CSF2RA: variants seen among roughly 807,000 people sequenced by gnomAD.
The protein encoded by CSF2RA is granulocyte-macrophage colony-stimulating factor receptor subunit alpha.
In CSF2RA, 42 loss-of-function variants were observed where a neutral mutation model predicts 51.6. The ratio of observed to expected loss-of-function variants is 0.81; its 90% CI spans 0.64 to 1.05. The LOEUF (loss-of-function observed/expected upper bound fraction) is 1.05. CSF2RA is among the 50% of genes least tolerant of loss of function. CSF2RA has a pLI of 0.00. For missense variants in CSF2RA, 530 were observed against 501.1 expected (o/e 1.06, Z -0.55); for synonymous variants, 222 against 193.0 (o/e 1.15, Z -1.24).
chrX:1,274,268 G>A (rs1231759991), intron 1 of CSF2RA, among the ~76,000 whole-genome samples: 16 of 151,948 alleles, frequency 1.1e-4, no homozygotes, highest in Admixed American at 7.2e-4. Flanking sequence ...AGGAAATCGC[G>A]ATGACAGGTG....
chrX:1,278,204 C>T (rs1408454940), intron 2 of CSF2RA, among the ~76,000 whole-genome samples: 2 of 146,520 alleles, frequency 1.4e-5, no homozygotes, highest in Admixed American at 1.4e-4. Context: ...CATGGTGGTG[C>T]GTGCCTGTAG....
intron 2 of CSF2RA, among the ~76,000 whole-genome samples, chrX:1,275,076 G>C (rs1258618510): frequency 3.1e-5 from 4 of 129,554 alleles, no homozygotes; most frequent in African/African-American, 1.1e-4. Flanking sequence ...CAGAAGAGAC[G>C]CATGAACCTG....
chrX:1,288,900 C>A lies in CSF2RA; in HGVS notation c.473+12C>A, dbSNP rs769676035. 1 of 1,574,938 alleles carries A rather than the reference C, an allele frequency of 6.3e-7. No homozygotes were observed. The highest frequency in any genetic ancestry group is 2.3e-5 in the East Asian group (1 of 43,092). On this transcript the variant is annotated intron_variant, in intron 6 of 12. Coordinates refer to ENST00000381529, the MANE Select transcript of CSF2RA (RefSeq NM_172245.4). The stretch of plus-strand genomic sequence containing the variant: ...ATACGAAACTCAAAGTAAGTGTTCA[C>A]CTCATGTGAAGAATTATGAGGAATG...
chrX:1,284,726 G>A (rs1364948887), intron 3 of CSF2RA, among the ~76,000 whole-genome samples: 20 of 146,132 alleles, frequency 1.4e-4, no homozygotes, highest in Non-Finnish European at 1.9e-4. Context: ...GTGCAGTGGC[G>A]CGATCTCGGC....
At position 1,288,600 on chromosome X, in the gene CSF2RA, A is replaced by G; in HGVS notation, c.301A>G (p.Ser101Gly). The part of the protein sequence containing the change: ...GVTFEVHVNT[S>G]QRGFQQKLLY... Reference sequence around the variant, plus strand: ...CACATTTGAGGTTCACGTGAATACTAGTCAAAGAGGATTTCAACAGAAACT... The same window carrying G: ...CACATTTGAGGTTCACGTGAATACTGGTCAAAGAGGATTTCAACAGAAACT... The change falls in exon 5 of 13, where the codon AGT becomes GGT. Residue 101 changes from serine (S) to glycine (G), a missense_variant. By Grantham distance (56) the Ser-to-Gly change is moderately conservative. Transcript: ENST00000381529. 2 of 1,613,976 alleles carry G rather than the reference A, an allele frequency of 1.2e-6. No homozygotes were observed. The highest frequency in any genetic ancestry group is 2.2e-5 in the South Asian group (2 of 91,082).
At chrX:1,292,992 G>C (rs1373952410) in intron 7 of CSF2RA, among the ~76,000 whole-genome samples, 5 of 152,114 alleles carry the variant, frequency 3.3e-5, no homozygotes, top group South Asian at 2.1e-4. Flanking sequence ...GGTGTCCCTG[G>C]TTAATAGAGA....
intron 10 of CSF2RA, 80 bp from the exon 11 acceptor site, chrX:1,303,843 T>A: frequency 8.3e-7 from 1 of 1,208,926 alleles, no homozygotes; most frequent in Non-Finnish European, 1.2e-6. Context: ...TAAATGCATT[T>A]GGACACCCGA....
intron 9 of CSF2RA, 44 bp from the exon 10 acceptor site, chrX:1,300,447 C>A: frequency 1.2e-6 from 2 of 1,612,142 alleles, no homozygotes; most frequent in Admixed American, 1.7e-5. Flanking sequence ...CCTTTTCCTC[C>A]ACACAGAAGA....
chrX:1,314,347 C>T (rs1414006910), downstream of CSF2RA, among the ~76,000 whole-genome samples: 128 of 141,262 alleles, frequency 9.1e-4, 1 homozygote, highest in Admixed American at 5.3e-3. Flanking sequence ...CCCACTGCGC[C>T]TGCCCAACCC....
Position 1,309,925 on chromosome X carries a change from T to C in CSF2RA, c.*446T>C. 1.8e-6 allele frequency: 1 copy of C among 566,902 alleles called. No individual in the cohort carries two copies. The highest frequency in any genetic ancestry group is 3.1e-6 in the Non-Finnish European group (1 of 322,266). The allele number at this position is 566,902 out of a possible 1,614,324, so 35.1% of individuals were successfully genotyped here. A position where few individuals can be genotyped will look rare whatever the true frequency, so the allele number is the denominator to read the frequency against. On this transcript the variant is annotated 3_prime_UTR_variant, in exon 13 of 13. Transcript: ENST00000381529. ...AATAATAAATAATAAAAACCTGATA[T>C]TTGGCTGGGCGCCGTGGCTCATGCC...
chrX:1,303,582 G>C (rs150753888), intron 10 of CSF2RA, among the ~76,000 whole-genome samples: 2 of 152,184 alleles, frequency 1.3e-5, no homozygotes, highest in Non-Finnish European at 1.5e-5. Context: ...CACCATGTTG[G>C]TCAGGCTGGT....
chrX:1,290,365 T>A lies in CSF2RA; in HGVS notation c.502T>A (p.Tyr168Asn), dbSNP rs769648353. 4.1e-5 allele frequency: 66 copies of A among 1,613,644 alleles called. No individual in the cohort carries two copies. The East Asian group carries it at 1.3e-3, about 32-fold the overall frequency. Residue 168 changes from tyrosine (Y) to asparagine (N), a missense_variant, in exon 7 of 13, where the codon TAC becomes AAC. Physicochemically the swap from Tyr to Asn is moderately radical, Grantham distance 143 (BLOSUM62 -2). Transcript: ENST00000381529. ...AAGGAGGGAGATCCGGTGTCCTTAT[T>A]ACATACAAGACTCAGGAACCCATGT... is the stretch of plus-strand genomic sequence containing the variant. ...KRRREIRCPY[Y>N]IQDSGTHVGC... is the part of the protein sequence containing the mutation.
intron 3 of CSF2RA, among the ~76,000 whole-genome samples, chrX:1,283,154 C>T (rs1185992422): frequency 1.1e-4 from 7 of 66,224 alleles, no homozygotes; most frequent in South Asian, 1.7e-3. Context: ...TTCCTTCCTT[C>T]GTTCCTTCCT....
chrX:1,323,236 G>A, the CSF2RA span, among the ~76,000 whole-genome samples: 7 of 150,678 alleles, frequency 4.6e-5, no homozygotes, highest in South Asian at 4.2e-4. Flanking sequence ...AAGATGAACC[G>A]GGAGCGGTGG....
chrX:1,280,512 A>G (rs1471380795), intron 2 of CSF2RA, among the ~76,000 whole-genome samples: 2 of 151,408 alleles, frequency 1.3e-5, no homozygotes, highest in Middle Eastern at 3.2e-3. Flanking sequence ...AAAGAAATAC[A>G]TTAGTTTGGT....
downstream of CSF2RA, among the ~76,000 whole-genome samples, chrX:1,311,287 C>T (rs1160645016): frequency 6.6e-6 from 1 of 151,576 alleles, no homozygotes; most frequent in Non-Finnish European, 1.5e-5. Context: ...AGGCTGGTAC[C>T]TCCTTCCCTG....
intron 2 of CSF2RA, among the ~76,000 whole-genome samples, chrX:1,277,648 G>T (rs1309158776): frequency 1.5e-5 from 2 of 137,310 alleles, no homozygotes; most frequent in African/African-American, 5.4e-5. Context: ...CAAAGCCAAA[G>T]CAAATTTATT....
downstream of CSF2RA, among the ~76,000 whole-genome samples, chrX:1,310,667 CAA>C (rs542174861): frequency 9.6e-4 from 117 of 121,562 alleles, 1 homozygote; most frequent in East Asian, 1.5e-3. Context: ...GACTCCATCT[CAA>C]AAAAAAAAAA....
chrX:1,278,884 A>G (rs2089538310), intron 2 of CSF2RA, among the ~76,000 whole-genome samples: 2 of 148,290 alleles, frequency 1.3e-5, no homozygotes, highest in South Asian at 4.3e-4. Context: ...CTAAAAATAC[A>G]AAAATTAGCC....
Sources: allele counts gnomAD v4.1 joint callset (sites outside exome capture counted in the v4.1 genomes callset), GRCh38; gene constraint gnomAD v4.1.1; transcripts MANE v1.5; gene names NCBI Gene and HGNC (gene_info 2026-07-23, HGNC 2026-07-21).